RYR3: variants seen among roughly 807,000 people sequenced by gnomAD.
The protein encoded by RYR3 is ryanodine receptor 3, also known as brain ryanodine receptor-calcium release channel.
RYR3 carries 207 observed loss-of-function variants against 584.3 expected under a neutral mutation model. The observed-to-expected ratio is 0.35, with a 90% CI of 0.32 to 0.40. RYR3 has a LOEUF of 0.40. RYR3 is among the 10% of genes least tolerant of loss of function. The pLI is 1.00. For missense variants in RYR3, 5,616 were observed against 6,089.2 expected, an observed-to-expected ratio of 0.92 and a Z score of 2.59; for synonymous variants, 2,416 against 2,248.5, an observed-to-expected ratio of 1.07 and a Z score of -2.11.
At chr15:33,663,455 A>G in intron 35 of RYR3, 82 bp from the exon 36 acceptor site, 2 of 1,180,522 alleles carry the variant, frequency 1.7e-6, no homozygotes, top group Non-Finnish European at 2.4e-6. Flanking sequence ...TCTAAGTCTC[A>G]GTGCTACTGT....
chr15:33,342,660 A>C (rs1465616510), intron 1 of RYR3, among the ~76,000 whole-genome samples: 1 of 152,096 alleles, frequency 6.6e-6, no homozygotes, highest in African/African-American at 2.4e-5. Context: ...TCTACCTCAA[A>C]ATCCTTCCCC....
At chr15:33,329,731 G>A (rs1970155964) in intron 1 of RYR3, among the ~76,000 whole-genome samples, 1 of 152,100 alleles carries the variant, frequency 6.6e-6, no homozygotes, top group African/African-American at 2.4e-5. Flanking sequence ...TTTGACAAAG[G>A]ATAGTCTATT....
At chr15:33,547,599 C>T (rs967399761) in intron 8 of RYR3, among the ~76,000 whole-genome samples, 2 of 151,998 alleles carry the variant, frequency 1.3e-5, no homozygotes, top group Admixed American at 6.5e-5. Context: ...ATTCTTAACA[C>T]GGGAAAGGAA....
At chr15:33,819,126 G>GA (rs1262546724) in intron 76 of RYR3, among the ~76,000 whole-genome samples, 1 of 151,608 alleles carries the variant, frequency 6.6e-6, no homozygotes, top group Non-Finnish European at 1.5e-5. Flanking sequence ...TCCGTCTCCA[G>GA]AAAAAAAGAC....
chr15:33,835,682 C>T (rs564355163), intron 87 of RYR3, among the ~76,000 whole-genome samples: 6 of 152,336 alleles, frequency 3.9e-5, no homozygotes, highest in African/African-American at 1.2e-4. Flanking sequence ...TAACTTAAAT[C>T]ATGTGTATCT....
At chr15:33,661,203 G>T (rs186138977) in intron 34 of RYR3, among the ~76,000 whole-genome samples, 62 of 152,230 alleles carry the variant, frequency 4.1e-4, no homozygotes, top group African/African-American at 1.5e-3. Flanking sequence ...AATCCATGAG[G>T]AGTCGTGAGA....
At chr15:33,707,911 C>G (rs576952629) in intron 43 of RYR3, among the ~76,000 whole-genome samples, 3 of 152,262 alleles carry the variant, frequency 2.0e-5, no homozygotes, top group Middle Eastern at 6.8e-3. Context: ...CCCATTTCAC[C>G]TGCTTACTTT....
chr15:33,633,145 G>A (rs1433195423), intron 24 of RYR3, 37 bp downstream of exon 24: 4 of 1,605,396 alleles, frequency 2.5e-6, no homozygotes, highest in Non-Finnish European at 3.4e-6. Flanking sequence ...GGAAAACTTA[G>A]AAGATATGAT....
chr15:33,722,736 C>T lies in RYR3; in HGVS notation c.6641C>T (p.Ala2214Val). 1 of 1,612,592 alleles carries T rather than the reference C, an allele frequency of 6.2e-7. No homozygotes were observed. The highest frequency in any genetic ancestry group is 8.5e-7 in the Non-Finnish European group (1 of 1,179,468). Residue 2214 changes from alanine (A) to valine (V), a missense_variant, in exon 44 of 104, where the codon GCC becomes GTC. Ala to Val is a moderately conservative substitution (Grantham distance 64). Coordinates refer to ENST00000634891, the MANE Select transcript of RYR3 (RefSeq NM_001036.6). ...FVNSESVEEN[A>V]SVVVKLLIRR... is the part of the protein sequence containing the mutation. The stretch of plus-strand genomic sequence containing the variant: ...TCAGGTGAGAGTGTGGAAGAAAACG[C>T]CAGCGTTGTGGTCAAGCTGCTCATC...
At chr15:33,860,567 T>G in intron 100 of RYR3, 28 bp from the exon 101 acceptor site, 1 of 1,455,578 alleles carries the variant, frequency 6.9e-7, no homozygotes, top group Non-Finnish European at 9.4e-7. Flanking sequence ...CTACACAGAT[T>G]GCTTTGTCTT....
intron 11 of RYR3, 103 bp from the exon 12 acceptor site, chr15:33,566,575 G>T: frequency 7.8e-7 from 1 of 1,278,984 alleles, no homozygotes; most frequent in Non-Finnish European, 1.1e-6. Context: ...AGCTTATTTG[G>T]AGAAAGGAAT....
At position 33,311,109 on chromosome 15, in the gene RYR3, G is replaced by A. The variant is rs1294354805; in HGVS notation, c.51+13G>A. Reference sequence around the variant, plus strand: ...GTTTCTGAGGACTGTGAGTCTCCGCGGCGGGGGCGAGGCCGTGGGCAGGTG... The same window carrying A: ...GTTTCTGAGGACTGTGAGTCTCCGCAGCGGGGGCGAGGCCGTGGGCAGGTG... On this transcript the variant is annotated intron_variant, in intron 1 of 103. Transcript: ENST00000634891. The surrounding 1 kb of genome is among the most constrained non-coding windows in gnomAD (Gnocchi z 4.4). 1 of 1,567,714 alleles carries A rather than the reference G, an allele frequency of 6.4e-7. No homozygotes were observed. Among genetic ancestry groups the A allele is most frequent in the Non-Finnish European group, 8.6e-7 (1 of 1,158,250 alleles).
At chr15:33,764,371 G>A (rs2072809605) in intron 60 of RYR3, among the ~76,000 whole-genome samples, 1 of 152,182 alleles carries the variant, frequency 6.6e-6, no homozygotes, top group South Asian at 2.1e-4. Context: ...AGTGGGAGTT[G>A]AACAATGAGA....
intron 1 of RYR3, among the ~76,000 whole-genome samples, chr15:33,457,275 C>T (rs1039797768): frequency 3.3e-5 from 5 of 152,038 alleles, no homozygotes; most frequent in Non-Finnish European, 5.9e-5. Flanking sequence ...TTCTTGAAAT[C>T]GGTATGTCAA....
intron 10 of RYR3, 68 bp from the exon 11 acceptor site, chr15:33,562,769 G>A (rs1015504977): frequency 6.6e-6 from 8 of 1,205,412 alleles, no homozygotes; most frequent in African/African-American, 6.1e-5. Flanking sequence ...TAGGTGATTC[G>A]TTTTGTATAT....
At chr15:33,744,987 G>A (rs2070540596) in intron 52 of RYR3, among the ~76,000 whole-genome samples, 2 of 152,200 alleles carry the variant, frequency 1.3e-5, no homozygotes, top group South Asian at 4.1e-4. Context: ...GAGGCAGCAA[G>A]ACTGGAGGCT....
At chr15:33,435,726 G>C (rs891482529) in intron 1 of RYR3, among the ~76,000 whole-genome samples, 3 of 152,124 alleles carry the variant, frequency 2.0e-5, no homozygotes, top group African/African-American at 4.8e-5. Context: ...TAGGTTCCTG[G>C]TCTCACTGAC....
chr15:33,504,773 CCT>C (rs1358664017), intron 3 of RYR3, among the ~76,000 whole-genome samples: 1 of 152,164 alleles, frequency 6.6e-6, no homozygotes, highest in Non-Finnish European at 1.5e-5. Context: ...ACATCGAATT[CCT>C]CTCTCTGCCT....
chr15:33,479,816 T>G (rs903818832), intron 2 of RYR3, among the ~76,000 whole-genome samples: 1 of 152,220 alleles, frequency 6.6e-6, no homozygotes, highest in Admixed American at 6.5e-5. Context: ...CCCACAACTT[T>G]TCTACATCTG....
Sources: allele counts gnomAD v4.1 joint callset (sites outside exome capture counted in the v4.1 genomes callset), GRCh38; gene constraint gnomAD v4.1.1; non-coding constraint Gnocchi (gnomAD v3.1); transcripts MANE v1.5; gene names NCBI Gene and HGNC (gene_info 2026-07-23, HGNC 2026-07-21).